SUGCT: variants seen among roughly 807,000 people sequenced by gnomAD.
SUGCT encodes succinyl-CoA:glutarate-CoA transferase.
Under a neutral mutation model 55.0 loss-of-function variants are expected in SUGCT, and 41 were observed. That is an observed-to-expected ratio of 0.74 (90% confidence interval 0.58 to 0.97). The LOEUF is 0.97. SUGCT is among the 50% of genes least tolerant of loss of function. SUGCT has a pLI of 0.00. For missense variants in SUGCT, 568 were observed against 547.8 expected (o/e 1.04, Z -0.37); for synonymous variants, 187 against 200.4 (o/e 0.93, Z 0.56).
chr7:40,332,721 C>A (rs1273528003), intron 9 of SUGCT, among the ~76,000 whole-genome samples: 2 of 152,058 alleles, frequency 1.3e-5, no homozygotes, highest in Non-Finnish European at 2.9e-5. Context: ...TGAGGTGTTG[C>A]ATTAATGTGG....
the SUGCT span, among the ~76,000 whole-genome samples, chr7:40,867,239 C>T: frequency 6.2e-4 from 92 of 149,244 alleles, no homozygotes; most frequent in East Asian, 0.012. Flanking sequence ...TCTATCTCTC[C>T]GCATATAATA....
At chr7:40,410,750 G>T (rs1159975120) in intron 9 of SUGCT, among the ~76,000 whole-genome samples, 2 of 152,128 alleles carry the variant, frequency 1.3e-5, no homozygotes, top group African/African-American at 4.8e-5. Context: ...GTTTACAAGT[G>T]AATGAAAATT....
chr7:40,354,761 T>C (rs1171684828), intron 9 of SUGCT, among the ~76,000 whole-genome samples: 1 of 152,098 alleles, frequency 6.6e-6, no homozygotes, highest in Non-Finnish European at 1.5e-5. Flanking sequence ...ATGAGGAGTA[T>C]AGGAAGCAGG....
At chr7:40,186,241 T>G (rs1785502547) in intron 3 of SUGCT, among the ~76,000 whole-genome samples, 2 of 121,374 alleles carry the variant, frequency 1.6e-5, no homozygotes, top group Non-Finnish European at 1.7e-5. Flanking sequence ...CCCTCCCTTC[T>G]CCCCTTTCCT....
chr7:40,304,004 G>A lies in SUGCT; in HGVS notation c.721-12756G>A, dbSNP rs906274084. On this transcript the variant is annotated intron_variant, in intron 8 of 13. Transcript: ENST00000335693. ...GTGGAGGTTGCAGTAAGCTGAGATC[G>A]TGCCATTGCACTCTAGCTTGGGCAA... is the stretch of plus-strand genomic sequence containing the variant. Among the ~76,000 whole-genome samples, 13 of 149,260 alleles carry A rather than the reference G, an allele frequency of 8.7e-5. No individual in the cohort carries two copies. In the East Asian group the frequency reaches 1.8e-3, roughly 20 times the overall value.
chr7:40,482,319 T>A (rs1791098050), intron 11 of SUGCT, among the ~76,000 whole-genome samples: 1 of 152,186 alleles, frequency 6.6e-6, no homozygotes, highest in Non-Finnish European at 1.5e-5. Context: ...AACATTATGA[T>A]CATTTTTTAA....
At position 40,665,095 on chromosome 7, in the gene SUGCT, T is replaced by C. The variant is rs540716135; in HGVS notation, c.1090-84339T>C. On this transcript the variant is annotated intron_variant, in intron 12 of 13. Coordinates refer to ENST00000335693, the MANE Select transcript of SUGCT (RefSeq NM_001193313.2). ...GTATTATTGAACACCCTGGGGAATATAGATACATAAGGCTGGGCCAAGAAA... is the reference window on the plus strand; with the variant it reads ...GTATTATTGAACACCCTGGGGAATACAGATACATAAGGCTGGGCCAAGAAA... Among the ~76,000 whole-genome samples the C allele has an allele frequency of 2.6e-3, 398 of 152,118 alleles. 17 individuals carry two copies. The South Asian group carries it at 0.079, about 30-fold the overall frequency.
At chr7:40,943,469 C>G in the SUGCT span, among the ~76,000 whole-genome samples, 1 of 132,342 alleles carries the variant, frequency 7.6e-6, no homozygotes, top group Admixed American at 8.4e-5. Context: ...TGTGATGTTC[C>G]CCTTCCTGTG....
chr7:41,007,397 G>A, the SUGCT span, among the ~76,000 whole-genome samples: 3 of 152,126 alleles, frequency 2.0e-5, no homozygotes, highest in Non-Finnish European at 4.4e-5. Context: ...ATATACAAGA[G>A]TGGCAAAATG....
intron 13 of SUGCT, among the ~76,000 whole-genome samples, chr7:40,810,616 T>C (rs1473747300): frequency 6.6e-6 from 1 of 152,174 alleles, no homozygotes; most frequent in Admixed American, 6.5e-5. Context: ...GGGTTATTTG[T>C]ATTTTACTTG....
intron 12 of SUGCT, among the ~76,000 whole-genome samples, chr7:40,705,777 T>G (rs770205789): frequency 2.6e-5 from 4 of 152,176 alleles, no homozygotes; most frequent in Non-Finnish European, 5.9e-5. Context: ...TATCCCTGGA[T>G]TTTACTGGGA....
rs1784521370 is a variant in SUGCT, at chr7:40,375,970, T to C, written c.816+59115T>C. Among the ~76,000 whole-genome samples, 4 of 152,284 alleles carry C rather than the reference T, an allele frequency of 2.6e-5. No homozygotes were observed. In the South Asian group the frequency reaches 8.3e-4, roughly 32 times the overall value. The stretch of plus-strand genomic sequence containing the variant: ...TGAGAAAGTGTACCACAGATTCTCG[T>C]GTCAGATGGAGGATGTAGCATATGC... On this transcript the variant is annotated intron_variant, in intron 9 of 13. Coordinates refer to ENST00000335693, the MANE Select transcript of SUGCT (RefSeq NM_001193313.2).
At chr7:41,032,999 T>C in the SUGCT span, among the ~76,000 whole-genome samples, 1 of 152,190 alleles carries the variant, frequency 6.6e-6, no homozygotes, top group Non-Finnish European at 1.5e-5. Context: ...CCTGACCTTG[T>C]GATCCACCCA....
intron 1 of SUGCT, chr7:40,154,091 T>C: frequency 4.2e-6 from 1 of 239,204 alleles, no homozygotes; most frequent in Non-Finnish European, 8.9e-6. Flanking sequence ...CAGTTTATAT[T>C]TTGAAATGTA....
At chr7:40,990,814 A>C in the SUGCT span, among the ~76,000 whole-genome samples, 14 of 152,264 alleles carry the variant, frequency 9.2e-5, no homozygotes, top group East Asian at 2.3e-3. Context: ...TTCATTATCC[A>C]ACCTGTGCTA....
rs547774323 is a variant in SUGCT at position 40,438,033 on chromosome 7, T to C, written c.817-11254T>C. Among the ~76,000 whole-genome samples, 6 of 152,272 alleles carry C rather than the reference T, an allele frequency of 3.9e-5. No homozygotes were observed. The East Asian group carries it at 1.2e-3, about 29-fold the overall frequency. On this transcript the variant is annotated intron_variant, in intron 9 of 13. Transcript: ENST00000335693. ...TCTTTTCCCACTTGATTATATGATA[T>C]ATTGTGTTGACATGGACTTCTGAAA...
At chr7:40,739,878 G>T (rs564919604) in intron 12 of SUGCT, among the ~76,000 whole-genome samples, 17 of 152,138 alleles carry the variant, frequency 1.1e-4, no homozygotes, top group African/African-American at 4.1e-4. Context: ...TTATGATTGT[G>T]TAAGCCATTC....
intron 9 of SUGCT, among the ~76,000 whole-genome samples, chr7:40,347,422 A>C (rs1323672406): frequency 6.6e-6 from 1 of 152,220 alleles, no homozygotes; most frequent in Non-Finnish European, 1.5e-5. Flanking sequence ...TTTAAGACAG[A>C]ACTTGCAAGA....
At chr7:40,443,999 T>C (rs1788667124) in intron 9 of SUGCT, among the ~76,000 whole-genome samples, 1 of 152,194 alleles carries the variant, frequency 6.6e-6, no homozygotes, top group Non-Finnish European at 1.5e-5. Flanking sequence ...CCATTTCTTG[T>C]TTTTGTCAGG....
Sources: gnomAD v4.1 joint callset for allele counts (sites outside exome capture counted in the v4.1 genomes callset) on GRCh38, gnomAD v4.1.1 for gene constraint, MANE v1.5 for transcripts, NCBI Gene and HGNC (gene_info 2026-07-23, HGNC 2026-07-21) for gene names.